HERC3: variants seen among roughly 807,000 people sequenced by gnomAD.
HERC3 encodes probable E3 ubiquitin-protein ligase HERC3.
Under a neutral mutation model 129.9 loss-of-function variants are expected in HERC3, and 58 were observed. That is an observed-to-expected ratio of 0.45 (90% CI 0.36 to 0.56). The LOEUF is 0.56. Ranked by LOEUF, HERC3 falls within the 20% of genes least tolerant of loss-of-function variation. The probability of loss-of-function intolerance (pLI) is 0.00; values close to 1 mark genes in which losing one functional copy is unlikely to be tolerated. For synonymous variants in HERC3, 430 were observed against 451.0 expected (o/e 0.95, Z 0.59); for missense variants, 835 against 1,244.2 (o/e 0.67, Z 4.95).
In HERC3 at chr4:88,662,970, A is replaced by T. The variant is rs190059612; in HGVS notation, c.1271+415A>T. On this transcript the variant is annotated intron_variant, in intron 11 of 25. Coordinates refer to ENST00000402738, the MANE Select transcript of HERC3 (RefSeq NM_014606.3). The stretch of plus-strand genomic sequence containing the variant: ...AATTTCTAGCATTTTCCTATTCATA[A>T]TGATTGAGATGGTAATTCAGAGTCA... Among the ~76,000 whole-genome samples the T allele has an allele frequency of 2.0e-5, 3 of 150,600 alleles. No homozygotes were observed. The South Asian group carries it at 6.6e-4, about 33-fold the overall frequency.
chr4:88,561,219 C>T, the HERC3 span, among the ~76,000 whole-genome samples: 5 of 151,858 alleles, frequency 3.3e-5, no homozygotes, highest in South Asian at 2.1e-4. Context: ...TATTTTAAGA[C>T]GACTTATTTT....
chr4:88,661,570 A>G (rs143605992), intron 10 of HERC3, among the ~76,000 whole-genome samples: 8 of 152,344 alleles, frequency 5.3e-5, no homozygotes, highest in Admixed American at 1.3e-4. Flanking sequence ...AGCACCATCA[A>G]CCTTTCCTTA....
At chr4:88,627,899 C>G (rs913503792) in intron 3 of HERC3, among the ~76,000 whole-genome samples, 4 of 123,898 alleles carry the variant, frequency 3.2e-5, no homozygotes, top group African/African-American at 1.5e-4. Flanking sequence ...AGCGAAACTC[C>G]GTCTCAAAAA....
chr4:88,686,756 A>T lies in HERC3; in HGVS notation c.2528A>T (p.Asp843Val). Reference sequence around the variant, plus strand: ...ATTAGGAGTCTCCAAGAGCTTTTAGATTACCCCGGGGAGGATGTGGAGGAG... The same window carrying T: ...ATTAGGAGTCTCCAAGAGCTTTTAGTTTACCCCGGGGAGGATGTGGAGGAG... The part of the protein sequence containing the change: ...TEGRSLQELL[D>V]YPGEDVEETF... Residue 843 changes from aspartate to valine, a missense_variant, in exon 22 of 26, where the codon GAT becomes GTT. Physicochemically the swap from Asp to Val is radical, Grantham distance 152. Transcript: ENST00000402738. 1.2e-6 allele frequency: 2 copies of T among 1,611,602 alleles called. No homozygotes were observed. The highest frequency in any genetic ancestry group is 8.5e-7 in the Non-Finnish European group (1 of 1,177,914).
chr4:88,636,259 G>A (rs1486430153), intron 3 of HERC3, among the ~76,000 whole-genome samples: 3 of 152,148 alleles, frequency 2.0e-5, no homozygotes, highest in Non-Finnish European at 4.4e-5. Flanking sequence ...CCCATCTCAT[G>A]TGCAGAGACA....
chr4:88,560,281 C>T, the HERC3 span, among the ~76,000 whole-genome samples: 1 of 152,014 alleles, frequency 6.6e-6, no homozygotes, highest in Non-Finnish European at 1.5e-5. Flanking sequence ...TAATAGCCAT[C>T]CTAAGGGGTG....
chr4:88,576,269 C>A, the HERC3 span, among the ~76,000 whole-genome samples: 1 of 152,196 alleles, frequency 6.6e-6, no homozygotes, highest in African/African-American at 2.4e-5. Context: ...TCCCCTTCCA[C>A]CCTTGCCGTC....
At chr4:88,528,846 G>A in the HERC3 span, among the ~76,000 whole-genome samples, 1 of 151,928 alleles carries the variant, frequency 6.6e-6, no homozygotes, top group Admixed American at 6.6e-5. Flanking sequence ...TATCAGCTAA[G>A]GTTTTGTTAA....
chr4:88,548,846 A>G, the HERC3 span, among the ~76,000 whole-genome samples: 1 of 151,974 alleles, frequency 6.6e-6, no homozygotes, highest in African/African-American at 2.4e-5. Context: ...ATTTTTTAGT[A>G]GAGACAGGGT....
At chr4:88,535,984 A>G in the HERC3 span, among the ~76,000 whole-genome samples, 2 of 152,226 alleles carry the variant, frequency 1.3e-5, no homozygotes, top group Non-Finnish European at 2.9e-5. Context: ...AACACAAATC[A>G]TCTCATGGGG....
the HERC3 span, among the ~76,000 whole-genome samples, chr4:88,551,839 G>A: frequency 1.3e-5 from 2 of 152,156 alleles, no homozygotes; most frequent in East Asian, 1.9e-4. Flanking sequence ...GCACACGTAT[G>A]TTTATTGCGG....
chr4:88,575,298 G>A, the HERC3 span, among the ~76,000 whole-genome samples: 1 of 152,170 alleles, frequency 6.6e-6, no homozygotes, highest in African/African-American at 2.4e-5. Context: ...CAAATAGCAT[G>A]TTAATGTGAT....
At chr4:88,671,612 T>G (rs1265565290) in intron 16 of HERC3, among the ~76,000 whole-genome samples, 1 of 152,116 alleles carries the variant, frequency 6.6e-6, no homozygotes, top group African/African-American at 2.4e-5. Flanking sequence ...CAACCTCTGC[T>G]TCCCAGGCTC....
At chr4:88,671,364 C>T (rs995961154) in intron 16 of HERC3, among the ~76,000 whole-genome samples, 1 of 152,100 alleles carries the variant, frequency 6.6e-6, no homozygotes, top group Admixed American at 6.5e-5. Flanking sequence ...AAAAGCAAGA[C>T]ATTTAAATAG....
intron 23 of HERC3, chr4:88,693,142 T>C (rs560067469): frequency 3.0e-6 from 3 of 985,384 alleles, no homozygotes; most frequent in Non-Finnish European, 2.4e-6. Flanking sequence ...TTCTGTTTCT[T>C]CACTGTTGAA....
chr4:88,653,526 G>C (rs1194602409), intron 6 of HERC3, among the ~76,000 whole-genome samples: 1 of 152,176 alleles, frequency 6.6e-6, no homozygotes, highest in Non-Finnish European at 1.5e-5. Flanking sequence ...TGTAGACCCA[G>C]TTATGCAGGG....
intron 3 of HERC3, among the ~76,000 whole-genome samples, chr4:88,648,840 C>CT (rs1244339924): frequency 1.3e-5 from 2 of 150,716 alleles, no homozygotes; most frequent in African/African-American, 2.4e-5. Flanking sequence ...TTTCTCTTTG[C>CT]TTTTTTCTTC....
chr4:88,577,251 C>T, the HERC3 span, among the ~76,000 whole-genome samples: 3 of 152,004 alleles, frequency 2.0e-5, no homozygotes, highest in Non-Finnish European at 4.4e-5. Flanking sequence ...TACTTCTTAC[C>T]CAAGTTCCAA....
chr4:88,553,617 A>G, the HERC3 span, among the ~76,000 whole-genome samples: 4 of 152,240 alleles, frequency 2.6e-5, no homozygotes, highest in Non-Finnish European at 4.4e-5. Context: ...TAATAAACCT[A>G]TGGTGTTAGA....
Sources: allele counts gnomAD v4.1 joint callset (sites outside exome capture counted in the v4.1 genomes callset), GRCh38; gene constraint gnomAD v4.1.1; transcripts MANE v1.5; gene names NCBI Gene and HGNC (gene_info 2026-07-23, HGNC 2026-07-21).